The following SYT1 variants were observed in gnomAD, a reference collection of about 807,000 sequenced individuals.
SYT1 encodes the protein synaptotagmin-1.
In SYT1, 8 loss-of-function variants were observed where a neutral mutation model predicts 44.8. That is an observed-to-expected ratio of 0.18 (90% CI 0.10 to 0.32). The LOEUF (loss-of-function observed/expected upper bound fraction) is 0.32, where lower values mean the gene tolerates loss of function less well. Among genes scored for constraint, SYT1 ranks in the 10% least tolerant of loss-of-function variants. SYT1 has a pLI of 1.00. For missense variants in SYT1, 286 were observed against 509.3 expected, an observed-to-expected ratio of 0.56 and a Z score of 4.22; for synonymous variants, 154 against 188.8, an observed-to-expected ratio of 0.82 and a Z score of 1.51.
rs145121378 is a variant in SYT1, at chr12:79,321,576, C to T, written c.810+22025C>T. 8.1e-3 allele frequency among the ~76,000 whole-genome samples: 1,239 copies of T among 152,252 alleles called. 11 individuals carry two copies. The highest frequency in any genetic ancestry group is 0.028 in the African/African-American group (1,172 of 41,524). The stretch of plus-strand genomic sequence containing the variant: ...TGGTTTATCCCAGTGACTGCTACTC[C>T]ATAGACACCTGAACTGAACCTGAAG... On this transcript the variant is annotated intron_variant, in intron 8 of 10. Transcript: ENST00000261205.
chr12:79,275,592 C>T (rs1359984474), intron 4 of SYT1, among the ~76,000 whole-genome samples: 1 of 152,136 alleles, frequency 6.6e-6, no homozygotes, highest in Non-Finnish European at 1.5e-5. Flanking sequence ...GTGCTGGCCT[C>T]ATAGTGGAGC....
At chr12:78,894,931 A>C (rs1413779285) in intron 1 of SYT1, among the ~76,000 whole-genome samples, 1 of 151,742 alleles carries the variant, frequency 6.6e-6, no homozygotes, top group East Asian at 1.9e-4. Flanking sequence ...ACCACAAAAA[A>C]ATAATTCAGT....
Position 79,045,193 on chromosome 12 carries a change from G to A in SYT1, c.-83-2104G>A, listed in dbSNP as rs998270534. 3.3e-5 allele frequency among the ~76,000 whole-genome samples: 5 copies of A among 152,352 alleles called. No homozygotes were observed. In the East Asian group the frequency reaches 9.7e-4, roughly 29 times the overall value. On this transcript the variant is annotated intron_variant, in intron 2 of 10. Transcript: ENST00000261205. ...TGCTTTGTTTACCTAAGCAAGCCCGGGCAATGGCGGGCGCCCCTCCCCCAG... is the reference window on the plus strand; with the variant it reads ...TGCTTTGTTTACCTAAGCAAGCCCGAGCAATGGCGGGCGCCCCTCCCCCAG...
chr12:79,037,188 GTAAA>G (rs1565774382), intron 2 of SYT1, among the ~76,000 whole-genome samples: 1 of 151,554 alleles, frequency 6.6e-6, no homozygotes, highest in South Asian at 2.1e-4. Flanking sequence ...ATAGATTTTG[GTAAA>G]TAGTTTTGTT....
At chr12:79,180,627 G>GGCAGGA (rs1263338785) in intron 3 of SYT1, among the ~76,000 whole-genome samples, 1 of 151,864 alleles carries the variant, frequency 6.6e-6, no homozygotes, top group Non-Finnish European at 1.5e-5. Context: ...CGTCTCACAT[G>GGCAGGA]GCAGGAGCAG....
chr12:79,335,256 T>A (rs1185923219), intron 8 of SYT1, among the ~76,000 whole-genome samples: 1 of 152,146 alleles, frequency 6.6e-6, no homozygotes, highest in East Asian at 1.9e-4. Flanking sequence ...CAGATAGTCC[T>A]TTTTCCTGGA....
chr12:79,017,137 C>T (rs1459914014), intron 2 of SYT1, among the ~76,000 whole-genome samples: 1 of 152,128 alleles, frequency 6.6e-6, no homozygotes, highest in South Asian at 2.1e-4. Context: ...AAGTCAGCTA[C>T]CTGAGAACTG....
intron 4 of SYT1, among the ~76,000 whole-genome samples, chr12:79,257,901 T>C (rs1163988519): frequency 4.6e-5 from 7 of 152,144 alleles, no homozygotes; most frequent in Non-Finnish European, 1.5e-5. Context: ...AATTCCTTAC[T>C]GTATATAGTG....
intron 1 of SYT1, among the ~76,000 whole-genome samples, chr12:78,969,920 C>T (rs546287418): frequency 2.0e-5 from 3 of 152,272 alleles, no homozygotes; most frequent in Admixed American, 6.5e-5. Context: ...ATGTCTATTG[C>T]TCTTTCTACT....
chr12:79,138,735 G>A (rs994206092), intron 3 of SYT1, among the ~76,000 whole-genome samples: 1 of 152,168 alleles, frequency 6.6e-6, no homozygotes, highest in Admixed American at 6.6e-5. Flanking sequence ...AAAACTGTGA[G>A]TCCCATCCTT....
intron 9 of SYT1, among the ~76,000 whole-genome samples, chr12:79,361,035 C>T (rs1401914248): frequency 6.6e-6 from 1 of 152,098 alleles, no homozygotes; most frequent in Non-Finnish European, 1.5e-5. Context: ...GAAGAGTTAG[C>T]CCAAAAACTC....
chr12:79,301,401 G>A (rs1438253184), intron 8 of SYT1, among the ~76,000 whole-genome samples: 1 of 152,166 alleles, frequency 6.6e-6, no homozygotes, highest in Non-Finnish European at 1.5e-5. Context: ...AAATCTTTGA[G>A]TACGAGCAGA....
intron 8 of SYT1, among the ~76,000 whole-genome samples, chr12:79,312,716 T>C (rs998223203): frequency 2.6e-5 from 4 of 152,062 alleles, no homozygotes; most frequent in African/African-American, 9.7e-5. Context: ...TCAGAGCTGC[T>C]TCTTATTTTG....
intron 3 of SYT1, among the ~76,000 whole-genome samples, chr12:79,066,725 G>A (rs2137878555): frequency 6.6e-6 from 1 of 152,202 alleles, no homozygotes; most frequent in Middle Eastern, 3.4e-3. Context: ...CATCAAAGAT[G>A]CTTAAAAAAA....
chr12:79,042,803 C>A (rs2137736337), intron 2 of SYT1, among the ~76,000 whole-genome samples: 1 of 150,576 alleles, frequency 6.6e-6, no homozygotes, highest in Non-Finnish European at 1.5e-5. Context: ...TTGAATGTGT[C>A]CCAGAGATTC....
In SYT1 at chr12:79,293,406, A is replaced by AAATT. The variant is rs1879725795; in HGVS notation, c.474+1278_474+1279insTTAA. On this transcript the variant is annotated intron_variant, in intron 6 of 10. Transcript: ENST00000261205. The stretch of plus-strand genomic sequence containing the variant: ...AAAATAAAATAAAATAAAATAAAAT[A>AAATT]AAATTAAAAAATCTGTAAGACATAG... Among the ~76,000 whole-genome samples the AAATT allele has an allele frequency of 5.3e-4, 34 of 63,782 alleles. No individual in the cohort carries two copies. The East Asian group carries it at 0.021, about 40-fold the overall frequency. 41.8% of individuals were successfully genotyped at this position (63,782 alleles called of 152,430 possible).
In SYT1 at chr12:79,279,695, G is replaced by A. The variant is rs548637319; in HGVS notation, c.167-6092G>A. Reference sequence around the variant, plus strand: ...TAAAGAAATAAAGAGCATCCACATTGGAAAAGAGGATGTCAAACTGTCTCT... The same window carrying A: ...TAAAGAAATAAAGAGCATCCACATTAGAAAAGAGGATGTCAAACTGTCTCT... On this transcript the variant is annotated intron_variant, in intron 4 of 10. Transcript: ENST00000261205. 3.9e-5 allele frequency among the ~76,000 whole-genome samples: 6 copies of A among 152,088 alleles called. No homozygotes were observed. In the South Asian group the frequency reaches 1.0e-3, roughly 26 times the overall value.
chr12:79,123,871 G>C (rs1868326980), intron 3 of SYT1, among the ~76,000 whole-genome samples: 1 of 152,056 alleles, frequency 6.6e-6, no homozygotes, highest in African/African-American at 2.4e-5. Flanking sequence ...GTCTTAAAGA[G>C]CTTTACTCTT....
chr12:79,048,793 C>A (rs1265714478), intron 3 of SYT1, among the ~76,000 whole-genome samples: 1 of 151,878 alleles, frequency 6.6e-6, no homozygotes, highest in South Asian at 2.1e-4. Flanking sequence ...TTGAAACCTG[C>A]AAATCTGCGT....
Sources: allele counts gnomAD v4.1 joint callset (sites outside exome capture counted in the v4.1 genomes callset), GRCh38; gene constraint gnomAD v4.1.1; transcripts MANE v1.5; gene names NCBI Gene and HGNC (gene_info 2026-07-23, HGNC 2026-07-21).